The following IGBP1C variants were observed in gnomAD, a reference collection of about 807,000 sequenced individuals.
IGBP1C encodes IGBP1 family member C, also known as immunoglobulin-binding protein 1 family member C.
chr17:58,679,323 C>T, the IGBP1C span, among the ~76,000 whole-genome samples: 2 of 152,160 alleles, frequency 1.3e-5, no homozygotes, highest in Non-Finnish European at 2.9e-5. Flanking sequence ...CAACTGCGTA[C>T]TTCTGATTGT....
At chr17:58,682,656 G>C in the IGBP1C span, among the ~76,000 whole-genome samples, 3 of 151,358 alleles carry the variant, frequency 2.0e-5, no homozygotes, top group Admixed American at 6.6e-5. Context: ...TTATAGGCGT[G>C]AGCCACCATG....
the IGBP1C span, chr17:58,661,149 C>G: frequency 1.2e-5 from 10 of 828,308 alleles, no homozygotes; most frequent in Non-Finnish European, 1.3e-5. Context: ...GCCATAGCAA[C>G]GAGGCTAGGA....
chr17:58,672,993 A>G, the IGBP1C span, among the ~76,000 whole-genome samples: 5 of 152,148 alleles, frequency 3.3e-5, no homozygotes, highest in East Asian at 9.7e-4. Flanking sequence ...CGAACTCCCA[A>G]AGTGCTGGGA....
the IGBP1C span, among the ~76,000 whole-genome samples, chr17:58,688,287 A>AT: frequency 1.3e-4 from 20 of 151,560 alleles, no homozygotes; most frequent in African/African-American, 3.6e-4. Context: ...CCCCCAGTTA[A>AT]TTTTGTATTT....
chr17:58,662,379 C>T, the IGBP1C span, among the ~76,000 whole-genome samples: 1 of 150,360 alleles, frequency 6.7e-6, no homozygotes, highest in Non-Finnish European at 1.5e-5. Flanking sequence ...GTACATAATA[C>T]ATATTATGTG....
chr17:58,673,896 A>G, the IGBP1C span, among the ~76,000 whole-genome samples: 3 of 152,110 alleles, frequency 2.0e-5, no homozygotes, highest in Admixed American at 2.0e-4. Context: ...GTTAGGACAT[A>G]TTATCTGTGG....
chr17:58,685,097 G>C, the IGBP1C span, among the ~76,000 whole-genome samples: 3 of 152,094 alleles, frequency 2.0e-5, no homozygotes, highest in Admixed American at 6.6e-5. Context: ...TTATAATTTT[G>C]TATAGACCTT....
chr17:58,661,373 G>A, the IGBP1C span: 1 of 923,470 alleles, frequency 1.1e-6, no homozygotes, highest in Non-Finnish European at 1.8e-6. Context: ...CTTCAGGTCG[G>A]TGGAAGTAAT....
At chr17:58,691,770 A>T in the IGBP1C span, among the ~76,000 whole-genome samples, 1 of 151,870 alleles carries the variant, frequency 6.6e-6, no homozygotes, top group South Asian at 2.1e-4. Flanking sequence ...ACCACCTTCT[A>T]AACTGCTTGC....
chr17:58,687,669 T>TA, the IGBP1C span, among the ~76,000 whole-genome samples: 8 of 147,928 alleles, frequency 5.4e-5, no homozygotes, highest in African/African-American at 7.4e-5. Flanking sequence ...GTTCTTAGGC[T>TA]AAAAAAAAAA....
chr17:58,676,369 T>G, the IGBP1C span, among the ~76,000 whole-genome samples: 1 of 145,360 alleles, frequency 6.9e-6, no homozygotes, highest in Admixed American at 7.0e-5. Context: ...AGAGAGAAAA[T>G]CCATCTCAAA....
chr17:58,660,505 G>C, the IGBP1C span: 1 of 707,496 alleles, frequency 1.4e-6, no homozygotes, highest in East Asian at 2.5e-5. Flanking sequence ...GGAGCTCAGG[G>C]AGGGGAAGGC....
the IGBP1C span, among the ~76,000 whole-genome samples, chr17:58,687,414 C>T: frequency 6.6e-6 from 1 of 152,096 alleles, no homozygotes; most frequent in Non-Finnish European, 1.5e-5. Flanking sequence ...CGCATTTGCC[C>T]TCCTTTGTTC....
chr17:58,683,938 C>T, the IGBP1C span, among the ~76,000 whole-genome samples: 2 of 133,682 alleles, frequency 1.5e-5, no homozygotes, highest in Admixed American at 1.5e-4. Flanking sequence ...GGTGGTGCAT[C>T]CCTGTCATCC....
the IGBP1C span, among the ~76,000 whole-genome samples, chr17:58,690,787 A>G: frequency 6.6e-6 from 1 of 152,182 alleles, no homozygotes; most frequent in Non-Finnish European, 1.5e-5. Context: ...TCTCCCCGCC[A>G]GTAGGGACTC....
At chr17:58,662,523 A>G in the IGBP1C span, among the ~76,000 whole-genome samples, 2 of 152,048 alleles carry the variant, frequency 1.3e-5, no homozygotes, top group African/African-American at 4.8e-5. Context: ...ATGGAGAAAC[A>G]CAGCCCCTCA....
chr17:58,685,494 G>A, the IGBP1C span, among the ~76,000 whole-genome samples: 10 of 151,734 alleles, frequency 6.6e-5, no homozygotes, highest in East Asian at 1.9e-3. Context: ...TTAGGTGAAG[G>A]AGGGAGAGGT....
chr17:58,688,170 G>C, the IGBP1C span, among the ~76,000 whole-genome samples: 1 of 152,098 alleles, frequency 6.6e-6, no homozygotes, highest in Non-Finnish European at 1.5e-5. Flanking sequence ...GCCCAGGCTG[G>C]AGTACAGTGT....
chr17:58,682,696 T>C, the IGBP1C span, among the ~76,000 whole-genome samples: 1 of 152,334 alleles, frequency 6.6e-6, no homozygotes, highest in South Asian at 2.1e-4. Flanking sequence ...GAGTCTTAAG[T>C]GGCTCATGAA....
Sources: allele counts gnomAD v4.1 joint callset (sites outside exome capture counted in the v4.1 genomes callset), GRCh38; gene constraint gnomAD v4.1.1; transcripts MANE v1.5; gene names NCBI Gene and HGNC (gene_info 2026-07-23, HGNC 2026-07-21).